ATP6V0A2: variants seen among roughly 807,000 people sequenced by gnomAD.
ATP6V0A2 encodes the protein ATPase H+ transporting V0 subunit a2.
Under a neutral mutation model 104.4 loss-of-function variants are expected in ATP6V0A2, and 58 were observed. The ratio of observed to expected loss-of-function variants is 0.56; its 90% confidence interval spans 0.45 to 0.69. The LOEUF (loss-of-function observed/expected upper bound fraction) is 0.69. Ranked by LOEUF, ATP6V0A2 falls within the 30% of genes least tolerant of loss-of-function variation. The pLI, the probability that ATP6V0A2 is intolerant of heterozygous loss-of-function variation, is 0.00. For missense variants in ATP6V0A2, 938 were observed against 1,062.9 expected (o/e 0.88, Z 1.63); for synonymous variants, 376 against 397.9 (o/e 0.95, Z 0.65).
rs567705311 is a variant in ATP6V0A2 at position 123,747,412 on chromosome 12, T to C, written c.1606-195T>C. On this transcript the variant is annotated intron_variant, in intron 13 of 19. Transcript: ENST00000330342. ...CCCTTTGACGTTAACACCGATAAAA[T>C]TGTTTTGTAATTGTCTGTGGCCCTG... is the stretch of plus-strand genomic sequence containing the variant. Among the ~76,000 whole-genome samples, 213 of 152,228 alleles carry C rather than the reference T, an allele frequency of 1.4e-3. 2 individuals carry two copies. The Middle Eastern group carries it at 0.021, about 15-fold the overall frequency.
At chr12:123,713,858 G>A (rs2250026) in intron 1 of ATP6V0A2, among the ~76,000 whole-genome samples, 4 of 152,004 alleles carry the variant, frequency 2.6e-5, no homozygotes, top group Non-Finnish European at 4.4e-5. Context: ...AGCCCTACCC[G>A]AGATCTGATA....
At chr12:123,735,180 TTGTGTGTCTG>T (rs1956540173) in intron 7 of ATP6V0A2, among the ~76,000 whole-genome samples, 2 of 136,916 alleles carry the variant, frequency 1.5e-5, no homozygotes, top group Non-Finnish European at 1.6e-5. Flanking sequence ...TGTGTGTCTG[TTGTGTGTCTG>T]TGTGTGTCTT....
chr12:123,745,676 A>G (rs1956655156), intron 13 of ATP6V0A2, among the ~76,000 whole-genome samples: 1 of 151,340 alleles, frequency 6.6e-6, no homozygotes, highest in African/African-American at 2.4e-5. Context: ...ATTGCACTCC[A>G]GCCTGGGCAA....
chr12:123,712,873 G>A (rs1956306434), intron 1 of ATP6V0A2, among the ~76,000 whole-genome samples, 191 bp downstream of exon 1: 1 of 152,262 alleles, frequency 6.6e-6, no homozygotes, highest in African/African-American at 2.4e-5. Context: ...CAGGGTCGCC[G>A]GCCGTCTGTG....
chr12:123,732,152 C>G (rs1204950661), intron 6 of ATP6V0A2: 1 of 152,352 alleles, frequency 6.6e-6, no homozygotes, highest in African/African-American at 2.4e-5. Context: ...TCTCACTGCG[C>G]AGGCTGAAAG....
intron 4 of ATP6V0A2, among the ~76,000 whole-genome samples, chr12:123,725,595 T>C (rs1372666398): frequency 6.6e-6 from 1 of 151,860 alleles, no homozygotes; most frequent in Non-Finnish European, 1.5e-5. Context: ...CTGAACATAG[T>C]GAGAATTAAT....
intron 17 of ATP6V0A2, among the ~76,000 whole-genome samples, chr12:123,753,105 TCC>T (rs1956731690): frequency 1.3e-5 from 2 of 150,640 alleles, no homozygotes; most frequent in Non-Finnish European, 3.0e-5. Context: ...GCTGCCTGAG[TCC>T]CCTGGACCGG....
At chr12:123,747,035 A>G (rs116594681) in intron 13 of ATP6V0A2, among the ~76,000 whole-genome samples, 4 of 152,152 alleles carry the variant, frequency 2.6e-5, no homozygotes, top group African/African-American at 9.7e-5. Context: ...GCAGTCAATG[A>G]GTGGGGAAGT....
intron 17 of ATP6V0A2, chr12:123,754,141 T>C: frequency 1.8e-6 from 1 of 567,842 alleles, no homozygotes; most frequent in East Asian, 2.8e-5. Context: ...TCCTCTGGTC[T>C]ACCTTCTTGG....
intron 1 of ATP6V0A2, among the ~76,000 whole-genome samples, chr12:123,713,588 G>A (rs1453122915): frequency 6.6e-6 from 1 of 152,062 alleles, no homozygotes; most frequent in Non-Finnish European, 1.5e-5. Context: ...CTGGAGACTC[G>A]GTGGTGAGCA....
chr12:123,752,324 T>A lies in ATP6V0A2; in HGVS notation c.2097T>A (p.Val699=), dbSNP rs1956723735. The A allele has an allele frequency of 3.7e-6, 6 of 1,614,172 alleles. No homozygotes were observed. The highest frequency in any genetic ancestry group is 1.7e-5 in the Admixed American group (1 of 60,024). The change falls in exon 17 of 20, where the codon GTT becomes GTA. Residue 699 remains valine (V), a synonymous_variant. Coordinates refer to ENST00000330342, the MANE Select transcript of ATP6V0A2 (RefSeq NM_012463.4). ...TLIRKDSEEE[V]SLLGSQDIEE... Reference sequence around the variant, plus strand: ...TAAGGAAAGATAGTGAGGAAGAAGTTTCATTGCTGGGAAGCCAAGATATAG... The same window carrying A: ...TAAGGAAAGATAGTGAGGAAGAAGTATCATTGCTGGGAAGCCAAGATATAG...
intron 18 of ATP6V0A2, among the ~76,000 whole-genome samples, chr12:123,755,338 C>T (rs755403228): frequency 3.3e-5 from 5 of 151,984 alleles, no homozygotes; most frequent in Non-Finnish European, 5.9e-5. Context: ...AGGAGTTTGA[C>T]ACCAGTCTGA....
chr12:123,754,701 ATTTC>A lies in ATP6V0A2; in HGVS notation c.2293+168_2293+171del, dbSNP rs145776710. ...TACTTAATACACAGCTCTCTTGGCTATTTCTTTTGGCTGAGGAGTGCTGTGGAAA... is the reference window on the plus strand; with the variant it reads ...TACTTAATACACAGCTCTCTTGGCTATTTTGGCTGAGGAGTGCTGTGGAAA... On this transcript the variant is annotated intron_variant, in intron 18 of 19. Transcript: ENST00000330342. The A allele has an allele frequency of 0.016, 10,094 of 633,700 alleles. 494 individuals carry two copies. The highest frequency in any genetic ancestry group is 0.13 in the African/African-American group (7,066 of 55,404). The allele number at this position is 633,700 out of a possible 1,614,324, so 39.3% of individuals were successfully genotyped here.
At position 123,758,652 on chromosome 12, in the gene ATP6V0A2, C is replaced by G. The variant is rs1431923641; in HGVS notation, c.*620C>G. Reference sequence around the variant, plus strand: ...TCTCCTGTCTCAGCCTCCCGAGTAACTGGGATTACAGGCATGCGCCACCGT... The same window carrying G: ...TCTCCTGTCTCAGCCTCCCGAGTAAGTGGGATTACAGGCATGCGCCACCGT... On this transcript the variant is annotated 3_prime_UTR_variant, in exon 20 of 20. Coordinates refer to ENST00000330342, the MANE Select transcript of ATP6V0A2 (RefSeq NM_012463.4). 6.6e-6 allele frequency: 1 copy of G among 151,876 alleles called. No homozygotes were observed. The highest frequency in any genetic ancestry group is 1.5e-5 in the Non-Finnish European group (1 of 68,068). The allele number at this position is 151,876 out of a possible 1,614,324, so 9.4% of individuals were successfully genotyped here.
intron 9 of ATP6V0A2, 136 bp from the exon 10 acceptor site, chr12:123,743,649 G>A (rs1442484104): frequency 1.8e-5 from 17 of 937,286 alleles, no homozygotes; most frequent in South Asian, 8.5e-5. Context: ...GTGAAACTCC[G>A]TCTCAAAAAA....
chr12:123,745,814 G>T (rs981529160), intron 13 of ATP6V0A2, among the ~76,000 whole-genome samples: 1 of 152,154 alleles, frequency 6.6e-6, no homozygotes, highest in African/African-American at 2.4e-5. Context: ...TGCAGGGTTG[G>T]GTGGGGTTTT....
intron 14 of ATP6V0A2, 68 bp from the exon 15 acceptor site, chr12:123,748,507 G>A: frequency 1.6e-6 from 2 of 1,218,394 alleles, no homozygotes; most frequent in South Asian, 2.4e-5. Flanking sequence ...GTTGCAGAGA[G>A]TTTAATTTAC....
chr12:123,744,944 G>T lies in ATP6V0A2; in HGVS notation c.1577G>T (p.Arg526Leu). The T allele has an allele frequency of 1.2e-6, 2 of 1,614,180 alleles. No homozygotes were observed. The highest frequency in any genetic ancestry group is 1.7e-6 in the Non-Finnish European group (2 of 1,180,046). Residue 526 changes from arginine to leucine, a missense_variant, in exon 13 of 20, where the codon CGA becomes CTA. Arg to Leu is a moderately radical substitution (Grantham distance 102). Transcript: ENST00000330342. The surrounding 1 kb of genome is among the most constrained non-coding windows in gnomAD (Gnocchi z 5.4). ...QLDPSIPGVF[R>L]GPYPLGIDPI... ...GATCCAAGCATTCCTGGAGTGTTCCGAGGCCCTTATCCCCTTGGCATTGAT... is the reference window on the plus strand; with the variant it reads ...GATCCAAGCATTCCTGGAGTGTTCCTAGGCCCTTATCCCCTTGGCATTGAT...
chr12:123,719,803 A>G (rs1956380883), intron 2 of ATP6V0A2, among the ~76,000 whole-genome samples: 1 of 151,900 alleles, frequency 6.6e-6, no homozygotes, highest in South Asian at 2.1e-4. Flanking sequence ...ATTATAAACC[A>G]TCCGGACCAC....
Sources: gnomAD v4.1 joint callset for allele counts (sites outside exome capture counted in the v4.1 genomes callset) on GRCh38, gnomAD v4.1.1 for gene constraint, Gnocchi (gnomAD v3.1) non-coding constraint, MANE v1.5 for transcripts, NCBI Gene and HGNC (gene_info 2026-07-23, HGNC 2026-07-21) for gene names.